The following BCL2 variants were observed in gnomAD, a reference collection of about 807,000 sequenced individuals.
The protein encoded by BCL2 is apoptosis regulator Bcl-2.
BCL2 carries 1 observed loss-of-function variant against 14.2 expected under a neutral mutation model. The observed-to-expected ratio is 0.07, with a 90% confidence interval of 0.02 to 0.33. BCL2 has a LOEUF of 0.33. Among genes scored for constraint, BCL2 ranks in the 10% least tolerant of loss-of-function variants. The pLI is 0.99. For synonymous variants in BCL2, 151 were observed against 137.2 expected (o/e 1.10, Z -0.70); for missense variants, 247 against 305.9 (o/e 0.81, Z 1.44).
At chr18:63,134,674 C>T (rs138371817) in intron 2 of BCL2, among the ~76,000 whole-genome samples, 96 of 152,278 alleles carry the variant, frequency 6.3e-4, no homozygotes, top group African/African-American at 2.3e-3. Flanking sequence ...GAAAAGCCAC[C>T]CTGTCCCCAA....
chr18:63,145,094 A>T (rs531962405), intron 2 of BCL2, among the ~76,000 whole-genome samples: 1 of 152,380 alleles, frequency 6.6e-6, no homozygotes, highest in African/African-American at 2.4e-5. Flanking sequence ...GCTGCTTCAC[A>T]GGGAATTCTA....
chr18:63,153,138 C>T (rs1914690306), intron 2 of BCL2, among the ~76,000 whole-genome samples: 1 of 152,170 alleles, frequency 6.6e-6, no homozygotes, highest in East Asian at 1.9e-4. Flanking sequence ...TTACTAGATT[C>T]GTCAATGAGT....
intron 2 of BCL2, among the ~76,000 whole-genome samples, chr18:63,194,179 G>T (rs919526418): frequency 6.6e-6 from 1 of 152,198 alleles, no homozygotes; most frequent in African/African-American, 2.4e-5. Flanking sequence ...AAGCAGAAAA[G>T]TGTCTGCCAG....
At chr18:63,315,808 T>C (rs1243315595) in intron 2 of BCL2, 1 of 152,244 alleles carries the variant, frequency 6.6e-6, no homozygotes, top group East Asian at 1.9e-4. Flanking sequence ...TTCATCATTC[T>C]CAAACACTAC....
At chr18:63,212,695 T>C (rs1357620713) in intron 2 of BCL2, among the ~76,000 whole-genome samples, 1 of 151,890 alleles carries the variant, frequency 6.6e-6, no homozygotes, top group Non-Finnish European at 1.5e-5. Context: ...GCCAACATGG[T>C]GAAATCCTGT....
chr18:63,220,910 C>T (rs976380041), intron 2 of BCL2, among the ~76,000 whole-genome samples: 5 of 152,060 alleles, frequency 3.3e-5, no homozygotes, highest in Non-Finnish European at 7.4e-5. Context: ...ATTCAACAAG[C>T]ATTACTACTC....
At position 63,196,547 on chromosome 18, in the gene BCL2, T is replaced by C. The variant is rs904745974; in HGVS notation, c.586-67788A>G. Among the ~76,000 whole-genome samples the C allele has an allele frequency of 1.1e-4, 17 of 152,118 alleles. No individual in the cohort carries two copies. The East Asian group carries it at 2.9e-3, about 26-fold the overall frequency. On this transcript the variant is annotated intron_variant, in intron 2 of 2. Transcript: ENST00000333681. The stretch of plus-strand genomic sequence containing the variant: ...GCTATAATGCAATCGTTTCTCTCTA[T>C]GTATGGTCTTTTTTTTGGCTTTGAA...
intron 2 of BCL2, among the ~76,000 whole-genome samples, chr18:63,260,446 A>T (rs1052637935): frequency 6.6e-6 from 1 of 152,228 alleles, no homozygotes; most frequent in Non-Finnish European, 1.5e-5. Flanking sequence ...CTTAGCAGTT[A>T]CTAGTCCATA....
At chr18:63,169,676 A>AC (rs1207981316) in intron 2 of BCL2, among the ~76,000 whole-genome samples, 1 of 151,730 alleles carries the variant, frequency 6.6e-6, no homozygotes, top group Non-Finnish European at 1.5e-5. Flanking sequence ...TGTGTGTGAC[A>AC]CCATGCCCAG....
intron 2 of BCL2, among the ~76,000 whole-genome samples, chr18:63,276,222 C>T (rs1025917858): frequency 9.9e-5 from 15 of 152,206 alleles, no homozygotes; most frequent in Non-Finnish European, 1.9e-4. Context: ...ACAGAAACCT[C>T]AGCCTCCCCT....
chr18:63,249,289 G>A (rs1911237318), intron 2 of BCL2, among the ~76,000 whole-genome samples: 1 of 151,908 alleles, frequency 6.6e-6, no homozygotes, highest in Non-Finnish European at 1.5e-5. Flanking sequence ...CACCATATAA[G>A]ATTGTGATCA....
Position 63,128,214 on chromosome 18 carries a change from G to A in BCL2, c.*411C>T, listed in dbSNP as rs367947421. 3.4e-5 allele frequency: 8 copies of A among 234,162 alleles called. No homozygotes were observed. The highest frequency in any genetic ancestry group is 6.0e-5 in the East Asian group (1 of 16,648). The allele number at this position is 234,162 out of a possible 1,614,324, so 14.5% of individuals were successfully genotyped here. ...CAATGATCAGGTCCTTTTTCCATCC[G>A]TCTGCTCTTCAGATGGTGATCCGGC... On this transcript the variant is annotated 3_prime_UTR_variant, in exon 3 of 3. Transcript: ENST00000333681.
chr18:63,134,414 G>GCC (rs1363106910), intron 2 of BCL2, among the ~76,000 whole-genome samples: 2 of 152,140 alleles, frequency 1.3e-5, no homozygotes, highest in Non-Finnish European at 2.9e-5. Context: ...CATGCAACAG[G>GCC]CCCCCGGTTA....
At chr18:63,154,098 C>T (rs776845002) in intron 2 of BCL2, among the ~76,000 whole-genome samples, 6 of 152,140 alleles carry the variant, frequency 3.9e-5, no homozygotes, top group Admixed American at 6.5e-5. Flanking sequence ...TACACCTTCC[C>T]AAAATCTGCC....
intron 2 of BCL2, chr18:63,302,340 G>T: frequency 1.0e-6 from 1 of 983,924 alleles, no homozygotes. Context: ...GAAAGAGAGA[G>T]AGGAAATAGT....
chr18:63,187,443 G>A (rs547747606), intron 2 of BCL2, among the ~76,000 whole-genome samples: 1 of 152,276 alleles, frequency 6.6e-6, no homozygotes, highest in South Asian at 2.1e-4. Context: ...ACCTAGATAA[G>A]TGGGCACCTC....
chr18:63,159,004 A>T (rs1281449637), intron 2 of BCL2, among the ~76,000 whole-genome samples: 1 of 152,232 alleles, frequency 6.6e-6, no homozygotes, highest in African/African-American at 2.4e-5. Flanking sequence ...CTGGAGTCTG[A>T]CTAGAGGCAG....
intron 2 of BCL2, among the ~76,000 whole-genome samples, chr18:63,241,372 T>C (rs897101872): frequency 6.6e-6 from 1 of 152,258 alleles, no homozygotes; most frequent in African/African-American, 2.4e-5. Flanking sequence ...CCACCAAGCA[T>C]ATTTCATGGT....
chr18:63,125,048 A>G lies in BCL2; in HGVS notation c.*3577T>C, dbSNP rs193151005. 92 of 222,042 alleles carry G rather than the reference A, an allele frequency of 4.1e-4. No individual in the cohort carries two copies. Among genetic ancestry groups the G allele is most frequent in the Middle Eastern group, 1.4e-3 (1 of 728 alleles). 13.8% of individuals were successfully genotyped at this position (222,042 alleles called of 1,614,324 possible). ...TTCACTCAATAGATCCTGGAGGTGA[A>G]AGCTAGACATGTGTTGGGATTGCCC... is the stretch of plus-strand genomic sequence containing the variant. On this transcript the variant is annotated 3_prime_UTR_variant, in exon 3 of 3. Transcript: ENST00000333681.
Sources: allele counts gnomAD v4.1 joint callset (sites outside exome capture counted in the v4.1 genomes callset), GRCh38; gene constraint gnomAD v4.1.1; transcripts MANE v1.5; gene names NCBI Gene and HGNC (gene_info 2026-07-23, HGNC 2026-07-21).